The following PDE1A variants were observed in gnomAD, a reference collection of about 807,000 sequenced individuals.
The protein encoded by PDE1A is phosphodiesterase 1A.
A neutral mutation model predicts 61.7 loss-of-function variants in PDE1A; 35 were observed. The ratio of observed to expected loss-of-function variants is 0.57; its 90% confidence interval spans 0.43 to 0.75. The LOEUF (loss-of-function observed/expected upper bound fraction) is 0.75, where lower values mean the gene tolerates loss of function less well. Ranked by LOEUF, PDE1A falls within the 30% of genes least tolerant of loss-of-function variation. The pLI is 0.00. For missense variants in PDE1A, 597 were observed against 630.6 expected (o/e 0.95, Z 0.57); for synonymous variants, 232 against 213.2 (o/e 1.09, Z -0.77).
At chr2:182,251,927 G>A (rs535948257) in intron 2 of PDE1A, among the ~76,000 whole-genome samples, 1 of 152,294 alleles carries the variant, frequency 6.6e-6, no homozygotes, top group Non-Finnish European at 1.5e-5. Context: ...TGTGTCCTTA[G>A]TAGAGCAGGG....
chr2:182,328,414 T>C (rs999062440), intron 1 of PDE1A, among the ~76,000 whole-genome samples: 1 of 151,998 alleles, frequency 6.6e-6, no homozygotes. Context: ...GCATTGAGAG[T>C]ACATGGAAGG....
At chr2:182,617,365 T>C in the PDE1A span, among the ~76,000 whole-genome samples, 1 of 152,212 alleles carries the variant, frequency 6.6e-6, no homozygotes, top group East Asian at 1.9e-4. Flanking sequence ...TTTGCGAGGC[T>C]CTACCAGGGA....
upstream of PDE1A, among the ~76,000 whole-genome samples, chr2:182,527,765 C>T (rs999658457): frequency 2.0e-5 from 3 of 151,906 alleles, no homozygotes; most frequent in African/African-American, 4.8e-5. Context: ...TGGGAGGAAC[C>T]TGGTGGGAGA....
At chr2:182,526,600 T>C (rs538517702), upstream of PDE1A, among the ~76,000 whole-genome samples, 8 of 152,228 alleles carry the variant, frequency 5.3e-5, no homozygotes, top group Non-Finnish European at 1.2e-4. Context: ...CATTCTTTGA[T>C]AGATTTTAAC....
At chr2:182,440,863 G>T (rs1279510687) in intron 2 of PDE1A, among the ~76,000 whole-genome samples, 2 of 151,210 alleles carry the variant, frequency 1.3e-5, no homozygotes, top group African/African-American at 4.9e-5. Flanking sequence ...AATTACTGTA[G>T]CTTTTAGTAT....
chr2:182,669,321 T>G, the PDE1A span, among the ~76,000 whole-genome samples: 1 of 152,330 alleles, frequency 6.6e-6, no homozygotes, highest in East Asian at 1.9e-4. Flanking sequence ...GGTCAGGTGT[T>G]GCTTAATTAA....
intron 2 of PDE1A, among the ~76,000 whole-genome samples, chr2:182,492,717 A>G (rs998473751): frequency 6.6e-6 from 1 of 152,216 alleles, no homozygotes; most frequent in Non-Finnish European, 1.5e-5. Flanking sequence ...GAGAAGAATC[A>G]ACTTTTCTGT....
intron 1 of PDE1A, among the ~76,000 whole-genome samples, chr2:182,295,700 T>G (rs1694837390): frequency 6.6e-6 from 1 of 152,206 alleles, no homozygotes; most frequent in African/African-American, 2.4e-5. Flanking sequence ...AACTTAAAAC[T>G]TTCCAAATTT....
chr2:182,708,010 T>G, the PDE1A span, among the ~76,000 whole-genome samples: 162 of 152,292 alleles, frequency 1.1e-3, no homozygotes, highest in African/African-American at 3.9e-3. Context: ...AAGAGAAGAT[T>G]TTGAATGTTC....
At chr2:182,268,486 A>G (rs1379422006) in intron 1 of PDE1A, among the ~76,000 whole-genome samples, 1 of 152,092 alleles carries the variant, frequency 6.6e-6, no homozygotes, top group Non-Finnish European at 1.5e-5. Flanking sequence ...ATGCATGGGT[A>G]CCTGTGTGTG....
the PDE1A span, among the ~76,000 whole-genome samples, chr2:182,604,753 A>G: frequency 1.3e-5 from 2 of 152,210 alleles, no homozygotes; most frequent in Non-Finnish European, 2.9e-5. Context: ...AAGAATTCAC[A>G]GCATTCTAAG....
intron 1 of PDE1A, among the ~76,000 whole-genome samples, chr2:182,397,100 A>T (rs1029617378): frequency 3.9e-5 from 6 of 152,136 alleles, no homozygotes; most frequent in Non-Finnish European, 4.4e-5. Context: ...TATAGGCCTC[A>T]CTTCTCTGTT....
At chr2:182,288,344 G>A (rs895053696) in intron 1 of PDE1A, among the ~76,000 whole-genome samples, 2 of 152,064 alleles carry the variant, frequency 1.3e-5, no homozygotes, top group Non-Finnish European at 2.9e-5. Context: ...CAGTGCAAAT[G>A]CAATTTACAA....
At chr2:182,646,078 A>G in the PDE1A span, among the ~76,000 whole-genome samples, 1 of 152,210 alleles carries the variant, frequency 6.6e-6, no homozygotes, top group African/African-American at 2.4e-5. Flanking sequence ...AAAGAAAAAG[A>G]AAGAAAACAA....
intron 2 of PDE1A, among the ~76,000 whole-genome samples, chr2:182,249,357 G>A (rs1385363989): frequency 6.6e-6 from 1 of 152,198 alleles, no homozygotes; most frequent in African/African-American, 2.4e-5. Context: ...ATACTGGGAA[G>A]AGCAGGGAAT....
At chr2:182,449,305 A>G (rs1685353856) in intron 2 of PDE1A, among the ~76,000 whole-genome samples, 1 of 151,838 alleles carries the variant, frequency 6.6e-6, no homozygotes, top group African/African-American at 2.4e-5. Context: ...CAGAGAAAGA[A>G]AGAAAGAGAC....
rs954434626 is a variant in PDE1A at position 182,364,497 on chromosome 2, A to C, written c.53+62081T>G. On this transcript the variant is annotated intron_variant, in intron 1 of 13. Transcript: ENST00000351439. ...AAAAAAAAAAAAAAAAAAAAAAAAA[A>C]AACCTTATTCTGAATTATTTGCTAG... is the stretch of plus-strand genomic sequence containing the variant. Among the ~76,000 whole-genome samples, 3 of 146,126 alleles carry C rather than the reference A, an allele frequency of 2.1e-5. No homozygotes were observed. In the Admixed American group the frequency reaches 2.1e-4, roughly 10 times the overall value.
the PDE1A span, among the ~76,000 whole-genome samples, chr2:182,694,662 A>T: frequency 6.6e-6 from 1 of 152,228 alleles, no homozygotes; most frequent in Admixed American, 6.5e-5. Flanking sequence ...CATATCCTTG[A>T]CTAATACAGC....
the PDE1A span, among the ~76,000 whole-genome samples, chr2:182,646,186 G>A: frequency 6.6e-6 from 1 of 152,088 alleles, no homozygotes; most frequent in Non-Finnish European, 1.5e-5. Context: ...GGCAGGGCAT[G>A]CCTGTAATCC....
Sources: allele counts gnomAD v4.1 joint callset (sites outside exome capture counted in the v4.1 genomes callset), GRCh38; gene constraint gnomAD v4.1.1; transcripts MANE v1.5; gene names NCBI Gene and HGNC (gene_info 2026-07-23, HGNC 2026-07-21).